The following ANKIB1 variants were observed in gnomAD, a reference collection of about 807,000 sequenced individuals.
The protein encoded by ANKIB1 is ankyrin repeat and IBR domain-containing protein 1.
A neutral mutation model predicts 122.1 loss-of-function variants in ANKIB1; 43 were observed. That is an observed-to-expected ratio of 0.35 (90% CI 0.28 to 0.45). ANKIB1 has a LOEUF of 0.45. Ranked by LOEUF, ANKIB1 falls within the 20% of genes least tolerant of loss-of-function variation. The probability of loss-of-function intolerance (pLI) is 1.00; values close to 1 mark genes in which losing one functional copy is unlikely to be tolerated. For missense variants in ANKIB1, 992 were observed against 1,329.5 expected, an observed-to-expected ratio of 0.75 and a Z score of 3.95; for synonymous variants, 390 against 442.0, an observed-to-expected ratio of 0.88 and a Z score of 1.48.
At chr7:92,326,728 T>A (rs1364621865) in intron 4 of ANKIB1, among the ~76,000 whole-genome samples, 3 of 152,196 alleles carry the variant, frequency 2.0e-5, no homozygotes, top group African/African-American at 2.4e-5. Context: ...TTTCTAAAGA[T>A]AATTTGGATT....
chr7:92,324,714 G>T (rs1268935491), intron 4 of ANKIB1, among the ~76,000 whole-genome samples: 1 of 152,184 alleles, frequency 6.6e-6, no homozygotes, highest in Non-Finnish European at 1.5e-5. Context: ...AAGGTGAAAT[G>T]TATATTTCAG....
chr7:92,299,744 A>G (rs1475193789), intron 2 of ANKIB1, among the ~76,000 whole-genome samples: 1 of 152,204 alleles, frequency 6.6e-6, no homozygotes, highest in Admixed American at 6.5e-5. Context: ...TTGTTAATAT[A>G]TAATGGGTTT....
chr7:92,257,621 C>T (rs898556503), intron 1 of ANKIB1, among the ~76,000 whole-genome samples: 1 of 152,092 alleles, frequency 6.6e-6, no homozygotes, highest in Non-Finnish European at 1.5e-5. Flanking sequence ...GGAGAAACCC[C>T]GTCTCCACTA....
chr7:92,275,030 G>A (rs568473108), intron 1 of ANKIB1, among the ~76,000 whole-genome samples: 1 of 152,154 alleles, frequency 6.6e-6, no homozygotes, highest in Non-Finnish European at 1.5e-5. Context: ...TTAACAAAAA[G>A]TAGGCTGCTT....
intron 1 of ANKIB1, among the ~76,000 whole-genome samples, chr7:92,283,793 C>G (rs1802057378): frequency 6.6e-6 from 1 of 152,108 alleles, no homozygotes; most frequent in Admixed American, 6.5e-5. Flanking sequence ...TATTTTGAGA[C>G]TGGGTCTCGC....
intron 5 of ANKIB1, among the ~76,000 whole-genome samples, chr7:92,337,677 A>G (rs2131968608): frequency 6.6e-6 from 1 of 152,300 alleles, no homozygotes; most frequent in East Asian, 1.9e-4. Flanking sequence ...TGTCAAACAG[A>G]CTGAATGCTT....
chr7:92,371,853 C>T (rs1804262012), intron 11 of ANKIB1, among the ~76,000 whole-genome samples: 1 of 151,700 alleles, frequency 6.6e-6, no homozygotes, highest in Non-Finnish European at 1.5e-5. Flanking sequence ...GTGTAAGAAC[C>T]TATGGTATTC....
At chr7:92,325,302 T>C (rs1350870797) in intron 4 of ANKIB1, among the ~76,000 whole-genome samples, 2 of 152,230 alleles carry the variant, frequency 1.3e-5, no homozygotes, top group African/African-American at 2.4e-5. Flanking sequence ...CATTGCTGGC[T>C]ACATTAGTTA....
At chr7:92,357,831 C>T (rs1186689636) in intron 9 of ANKIB1, among the ~76,000 whole-genome samples, 1 of 151,878 alleles carries the variant, frequency 6.6e-6, no homozygotes, top group Non-Finnish European at 1.5e-5. Flanking sequence ...CTCTTCCCTA[C>T]GTTGATCATC....
rs771962252 is a variant in ANKIB1 at position 92,396,482 on chromosome 7, T to C, written c.2395+6T>C. On this transcript the variant is annotated splice_donor_region_variant and intron_variant, in intron 18 of 19. Transcript: ENST00000265742. ...GCCAAGTGAAAGCACTTTAGGTAAG[T>C]CCTTGCATTGAGTATGGTTTAATCT... The C allele has an allele frequency of 7.1e-7, 1 of 1,406,800 alleles. No individual in the cohort carries two copies. Among genetic ancestry groups the C allele is most frequent in the Admixed American group, 1.9e-5 (1 of 52,292 alleles). 87.1% of individuals were successfully genotyped at this position (1,406,800 alleles called of 1,614,324 possible).
At chr7:92,338,248 A>C (rs1803333329) in intron 5 of ANKIB1, among the ~76,000 whole-genome samples, 1 of 151,016 alleles carries the variant, frequency 6.6e-6, no homozygotes, top group Non-Finnish European at 1.5e-5. Context: ...TGTCTCTACA[A>C]AAAAATTAAA....
rs367702085 is a variant in ANKIB1, at chr7:92,382,330, C to T, written c.1618-4179C>T. ...CCACTGTCAATATTAGACAGATAAA[C>T]GAGACAGAAGGTCAACAAGGATATC... On this transcript the variant is annotated intron_variant, in intron 11 of 19. Transcript: ENST00000265742. Among the ~76,000 whole-genome samples, 11 of 152,264 alleles carry T rather than the reference C, an allele frequency of 7.2e-5. 1 individual carries two copies. Among genetic ancestry groups the T allele is most frequent in the African/African-American group, 1.4e-4 (6 of 41,568 alleles).
At position 92,338,911 on chromosome 7, in the gene ANKIB1, C is replaced by CAAAAAAAAAA. The variant is rs1184392588; in HGVS notation, c.788-4099_788-4090dup. Among the ~76,000 whole-genome samples the CAAAAAAAAAA allele has an allele frequency of 1.9e-4, 4 of 21,204 alleles. 1 individual carries two copies. The highest frequency in any genetic ancestry group is 2.8e-4 in the Non-Finnish European group (4 of 14,210). 13.9% of individuals were successfully genotyped at this position (21,204 alleles called of 152,430 possible). Reference sequence around the variant, plus strand: ...TGGGCGACAGAGTGAGACTCCATCTCAAAAAAAAAAAAAAAAAAAAAAATA... The same window carrying CAAAAAAAAAA: ...TGGGCGACAGAGTGAGACTCCATCTCAAAAAAAAAAAAAAAAAAAAAAAAAAAAAAAAATA... On this transcript the variant is annotated intron_variant, in intron 5 of 19. Transcript: ENST00000265742.
chr7:92,267,540 C>T, intron 1 of ANKIB1, among the ~76,000 whole-genome samples: 1 of 152,152 alleles, frequency 6.6e-6, no homozygotes, highest in Non-Finnish European at 1.5e-5. Flanking sequence ...CCTAAAAAAT[C>T]TCCATAGAGA....
chr7:92,324,446 C>CT (rs1802980317), intron 4 of ANKIB1, among the ~76,000 whole-genome samples: 1 of 152,160 alleles, frequency 6.6e-6, no homozygotes, highest in Admixed American at 6.5e-5. Flanking sequence ...GTTGACCATG[C>CT]TGGTCTTGAA....
intron 1 of ANKIB1, among the ~76,000 whole-genome samples, chr7:92,281,778 A>G (rs190243595): frequency 6.6e-6 from 1 of 152,200 alleles, no homozygotes; most frequent in Non-Finnish European, 1.5e-5. Flanking sequence ...TTTCCAGTGA[A>G]TATAATCTAA....
intron 16 of ANKIB1, 74 bp from the exon 17 acceptor site, chr7:92,392,167 A>G (rs974431406): frequency 7.9e-7 from 1 of 1,264,936 alleles, no homozygotes; most frequent in Admixed American, 2.1e-5. Context: ...GTAATGTTCA[A>G]AGGGCAAGGA....
At chr7:92,360,115 G>A (rs1162684144) in intron 9 of ANKIB1, among the ~76,000 whole-genome samples, 2 of 152,048 alleles carry the variant, frequency 1.3e-5, no homozygotes, top group African/African-American at 4.8e-5. Flanking sequence ...ATGCAATTCA[G>A]TGACATTAAT....
At chr7:92,397,687 A>G (rs755433567) in intron 18 of ANKIB1, 36 bp from the exon 19 acceptor site, 1 of 1,605,436 alleles carries the variant, frequency 6.2e-7, no homozygotes, top group South Asian at 1.1e-5. Context: ...CTTATTTGTC[A>G]CTAAATTGTC....
Sources: allele counts gnomAD v4.1 joint callset (sites outside exome capture counted in the v4.1 genomes callset), GRCh38; gene constraint gnomAD v4.1.1; transcripts MANE v1.5; gene names NCBI Gene and HGNC (gene_info 2026-07-23, HGNC 2026-07-21).